Variants in ADGRV1 observed in about 807,000 individuals in gnomAD.
ADGRV1 encodes G-protein coupled receptor 98.
ADGRV1 carries 359 observed loss-of-function variants against 596.2 expected under a neutral mutation model. The observed-to-expected ratio is 0.60, with a 90% CI of 0.55 to 0.66. The LOEUF is 0.66. Ranked by LOEUF, ADGRV1 falls within the 30% of genes least tolerant of loss-of-function variation. The probability of loss-of-function intolerance (pLI) is 0.00; values close to 1 mark genes in which losing one functional copy is unlikely to be tolerated. For synonymous variants in ADGRV1, 2,681 were observed against 2,679.2 expected (o/e 1.00, Z -0.02); for missense variants, 7,274 against 7,575.6 (o/e 0.96, Z 1.48).
intron 1 of ADGRV1, among the ~76,000 whole-genome samples, chr5:90,561,799 A>G (rs1426689127): frequency 6.6e-6 from 1 of 152,200 alleles, no homozygotes; most frequent in Non-Finnish European, 1.5e-5. Flanking sequence ...TTAGATAATT[A>G]TTTAATTTGG....
rs150247114 is a variant in ADGRV1, at chr5:90,580,527, C to T, written c.22+21610C>T. Among the ~76,000 whole-genome samples the T allele has an allele frequency of 1.5e-3, 228 of 149,102 alleles. 1 individual carries two copies. The highest frequency in any genetic ancestry group is 5.5e-3 in the African/African-American group (213 of 38,930). Reference sequence around the variant, plus strand: ...TCTTTTTTCTCTAACCTTGTCTTCCCGCTTTCTCCTTCACTTAGTTTGGCT... The same window carrying T: ...TCTTTTTTCTCTAACCTTGTCTTCCTGCTTTCTCCTTCACTTAGTTTGGCT... On this transcript the variant is annotated intron_variant, in intron 1 of 89. Coordinates refer to ENST00000405460, the MANE Select transcript of ADGRV1 (RefSeq NM_032119.4).
Position 90,863,751 on chromosome 5 carries a change from C to T in ADGRV1, c.17756-6C>T. 2 of 1,605,738 alleles carry T rather than the reference C, an allele frequency of 1.2e-6. No individual in the cohort carries two copies. The highest frequency in any genetic ancestry group is 1.7e-6 in the Non-Finnish European group (2 of 1,172,662). On this transcript the variant is annotated splice_polypyrimidine_tract_variant and splice_region_variant and intron_variant, in intron 82 of 89. Transcript: ENST00000405460. ...AAACCATATGTGGACTTTTTTGTTCCTACAGGTCTTTGCTTGGCTGTTCTT... is the reference window on the plus strand; with the variant it reads ...AAACCATATGTGGACTTTTTTGTTCTTACAGGTCTTTGCTTGGCTGTTCTT...
intron 65 of ADGRV1, among the ~76,000 whole-genome samples, chr5:90,782,196 C>G (rs575798183): frequency 6.6e-6 from 1 of 152,230 alleles, no homozygotes; most frequent in Non-Finnish European, 1.5e-5. Flanking sequence ...TGCATTTAAC[C>G]TGATTGGCTT....
intron 11 of ADGRV1, among the ~76,000 whole-genome samples, chr5:90,640,129 A>T (rs940325350): frequency 5.9e-5 from 9 of 152,160 alleles, no homozygotes; most frequent in African/African-American, 1.9e-4. Context: ...GTGGTATATA[A>T]CCCTATATTT....
intron 59 of ADGRV1, among the ~76,000 whole-genome samples, chr5:90,768,738 C>G (rs1468201952): frequency 6.6e-6 from 1 of 152,190 alleles, no homozygotes; most frequent in East Asian, 1.9e-4. Context: ...AAACATACAA[C>G]TCTCCGGAAC....
chr5:90,961,302 C>T (rs562690506), intron 83 of ADGRV1, among the ~76,000 whole-genome samples: 1 of 152,000 alleles, frequency 6.6e-6, no homozygotes, highest in African/African-American at 2.4e-5. Flanking sequence ...AGAGCGAGAC[C>T]ATCCTGGCTA....
intron 89 of ADGRV1, among the ~76,000 whole-genome samples, chr5:91,162,906 T>G (rs375321233): frequency 1.1e-3 from 166 of 152,220 alleles, no homozygotes; most frequent in African/African-American, 3.3e-3. Context: ...GTTTGCAGAG[T>G]CTAGTGGGGC....
At chr5:90,705,625 T>C (rs374040598) in intron 37 of ADGRV1, 46 bp downstream of exon 37, 780 of 1,480,548 alleles carry the variant, frequency 5.3e-4, no homozygotes, top group Non-Finnish European at 7.0e-4. Context: ...CAAGTGCTTA[T>C]TAATATTCTA....
intron 86 of ADGRV1, among the ~76,000 whole-genome samples, chr5:91,078,998 T>A (rs1789094103): frequency 6.6e-6 from 1 of 152,190 alleles, no homozygotes; most frequent in Admixed American, 6.5e-5. Context: ...CTTCAGGATT[T>A]ATAAATAAAA....
At chr5:90,953,871 A>G (rs1184790335) in intron 83 of ADGRV1, among the ~76,000 whole-genome samples, 1 of 152,058 alleles carries the variant, frequency 6.6e-6, no homozygotes, top group Non-Finnish European at 1.5e-5. Flanking sequence ...TTCATTTTTC[A>G]TTCCTTAAAA....
intron 74 of ADGRV1, among the ~76,000 whole-genome samples, chr5:90,814,178 G>A (rs1238884078): frequency 2.0e-5 from 3 of 152,182 alleles, no homozygotes; most frequent in Non-Finnish European, 2.9e-5. Flanking sequence ...GTGAGGATGA[G>A]AATTGGCAGT....
intron 84 of ADGRV1, among the ~76,000 whole-genome samples, chr5:90,967,860 A>C (rs1420701723): frequency 6.6e-6 from 1 of 152,248 alleles, no homozygotes; most frequent in Non-Finnish European, 1.5e-5. Context: ...CAGAATGCTT[A>C]ACAATAACAA....
At position 90,643,042 on chromosome 5, in the gene ADGRV1, G is replaced by A; in HGVS notation, c.2553+1G>A. The A allele has an allele frequency of 6.2e-7, 1 of 1,609,504 alleles. No homozygotes were observed. Among genetic ancestry groups the A allele is most frequent in the Non-Finnish European group, 8.5e-7 (1 of 1,176,278 alleles). On this transcript the variant is annotated splice_donor_variant, in intron 13 of 89. Transcript: ENST00000405460. LOFTEE classifies it high-confidence loss of function. ...AGCAAGATTGGATGGGATACCAGAG[G>A]TATGGGATTTTATATTTTCTTTGTG...
chr5:90,847,408 C>A (rs1765999238), intron 78 of ADGRV1, among the ~76,000 whole-genome samples: 1 of 152,202 alleles, frequency 6.6e-6, no homozygotes, highest in Non-Finnish European at 1.5e-5. Context: ...CTTAGCTAGA[C>A]ATATTCTCCA....
At chr5:90,753,484 G>T in intron 53 of ADGRV1, 90 bp from the exon 54 acceptor site, 1 of 926,392 alleles carries the variant, frequency 1.1e-6, no homozygotes, top group Non-Finnish European at 1.6e-6. Context: ...TAAGTTATAG[G>T]TTTAATAAAA....
At position 90,783,955 on chromosome 5, in the gene ADGRV1, A is replaced by C; in HGVS notation, c.13551A>C (p.Ile4517=). 1 of 1,612,212 alleles carries C rather than the reference A, an allele frequency of 6.2e-7. No homozygotes were observed. Among genetic ancestry groups the C allele is most frequent in the Non-Finnish European group, 8.5e-7 (1 of 1,179,098 alleles). Residue 4517 remains isoleucine, a synonymous_variant, in exon 67 of 90, where the codon ATA becomes ATC. Coordinates refer to ENST00000405460, the MANE Select transcript of ADGRV1 (RefSeq NM_032119.4). ...IAKSDSPFGV[I]RFLNQSKISI... ...AGAGTGACTCTCCCTTTGGAGTTAT[A>C]AGGTTTCTCAATCAAAGCAAAATTT...
chr5:91,153,211 A>G lies in ADGRV1; in HGVS notation c.18625-10A>G. 6.3e-7 allele frequency: 1 copy of G among 1,597,198 alleles called. No homozygotes were observed. Among genetic ancestry groups the G allele is most frequent in the Non-Finnish European group, 8.5e-7 (1 of 1,171,392 alleles). ...ATGGTTTCTTTTTCCCCCCATCCCA[A>G]TCTAAAAAGGTGCCACCTGACTGGG... On this transcript the variant is annotated splice_polypyrimidine_tract_variant and intron_variant, in intron 88 of 89. Transcript: ENST00000405460.
chr5:90,763,548 G>T, intron 59 of ADGRV1, 79 bp downstream of exon 59: 1 of 1,413,802 alleles, frequency 7.1e-7, no homozygotes. Context: ...TGTAAATTCA[G>T]GGAGCACATG....
In ADGRV1 at chr5:90,647,669, T is replaced by A. The variant is rs754644818; in HGVS notation, c.3194T>A (p.Val1065Asp). Reference sequence around the variant, plus strand: ...AAAGGAGAAACGCTCATTTTTGAGGTTGGAAGTAGACAGCAGAGCATATCC... The same window carrying A: ...AAAGGAGAAACGCTCATTTTTGAGGATGGAAGTAGACAGCAGAGCATATCC... The part of the protein sequence containing the change: ...VEKGETLIFE[V>D]GSRQQSISIF... The change falls in exon 17 of 90, where the codon GTT becomes GAT. Residue 1065 changes from valine (V) to aspartate (D), a missense_variant. Coordinates refer to ENST00000405460, the MANE Select transcript of ADGRV1 (RefSeq NM_032119.4). 2.3e-5 allele frequency: 37 copies of A among 1,613,796 alleles called. No homozygotes were observed. Among genetic ancestry groups the A allele is most frequent in the Non-Finnish European group, 3.0e-5 (35 of 1,179,854 alleles).
Sources: allele counts gnomAD v4.1 joint callset (sites outside exome capture counted in the v4.1 genomes callset), GRCh38; gene constraint gnomAD v4.1.1; transcripts MANE v1.5; gene names NCBI Gene and HGNC (gene_info 2026-07-23, HGNC 2026-07-21).